BCAS3: variants seen among roughly 807,000 people sequenced by gnomAD.
BCAS3 encodes the protein BCAS3 microtubule associated cell migration factor.
BCAS3 carries 53 observed loss-of-function variants against 116.1 expected under a neutral mutation model. The ratio of observed to expected loss-of-function variants is 0.46; its 90% confidence interval spans 0.37 to 0.57. The LOEUF (loss-of-function observed/expected upper bound fraction) is 0.57. BCAS3 is among the 20% of genes least tolerant of loss of function. The pLI is 0.00. For missense variants in BCAS3, 917 were observed against 1,165.4 expected, an observed-to-expected ratio of 0.79 and a Z score of 3.10; for synonymous variants, 391 against 408.2, an observed-to-expected ratio of 0.96 and a Z score of 0.51.
At chr17:60,778,870 A>G (rs1170873704) in intron 6 of BCAS3, among the ~76,000 whole-genome samples, 3 of 152,202 alleles carry the variant, frequency 2.0e-5, no homozygotes, top group Non-Finnish European at 4.4e-5. Flanking sequence ...TAAGTAGCAT[A>G]TGATTTTGTG....
intron 12 of BCAS3, among the ~76,000 whole-genome samples, chr17:60,922,891 T>A (rs2059180236): frequency 6.6e-6 from 1 of 152,156 alleles, no homozygotes; most frequent in African/African-American, 2.4e-5. Flanking sequence ...TTGAATTGAA[T>A]GAAAATGAAA....
chr17:61,243,338 G>A lies in BCAS3; in HGVS notation c.2426-124989G>A, dbSNP rs373750454. Among the ~76,000 whole-genome samples the A allele has an allele frequency of 6.6e-6, 1 of 152,182 alleles. No individual in the cohort carries two copies. Among genetic ancestry groups the A allele is most frequent in the African/African-American group, 2.4e-5 (1 of 41,436 alleles). On this transcript the variant is annotated intron_variant, in intron 22 of 23. Transcript: ENST00000407086. This position sits in a 1 kb window ranked among gnomAD's most constrained non-coding sequence, Gnocchi z 5.6. ...ATTTAAAGCTGAGTAATATTCCATT[G>A]TGTCTATATACTATATTTTCTTTAT...
intron 13 of BCAS3, among the ~76,000 whole-genome samples, chr17:60,934,337 A>G (rs2059811209): frequency 6.6e-6 from 1 of 152,192 alleles, no homozygotes; most frequent in Admixed American, 6.5e-5. Flanking sequence ...TTGATAGTGA[A>G]TGAACTCATG....
At chr17:61,336,152 C>G (rs1389711821) in intron 22 of BCAS3, among the ~76,000 whole-genome samples, 1 of 152,250 alleles carries the variant, frequency 6.6e-6, no homozygotes, top group East Asian at 1.9e-4. Flanking sequence ...AAACTTCAGC[C>G]TTTTACTATT....
intron 6 of BCAS3, among the ~76,000 whole-genome samples, chr17:60,786,101 CA>C (rs1340855382): frequency 6.6e-6 from 1 of 151,986 alleles, no homozygotes; most frequent in Admixed American, 6.6e-5. Context: ...GCACAGATAC[CA>C]AGAGACAACT....
Position 61,364,834 on chromosome 17 carries a change from T to C in BCAS3, c.2426-3493T>C, listed in dbSNP as rs2058642201. Among the ~76,000 whole-genome samples, 1 of 152,202 alleles carries C rather than the reference T, an allele frequency of 6.6e-6. No individual in the cohort carries two copies. The highest frequency in any genetic ancestry group is 1.5e-5 in the Non-Finnish European group (1 of 68,018). On this transcript the variant is annotated intron_variant, in intron 22 of 23. Transcript: ENST00000407086. This position sits in a 1 kb window ranked among gnomAD's most constrained non-coding sequence, Gnocchi z 5.4. ...GTTCCAGATCTGTTGCTCAGAGACT[T>C]TGAACATGTCACGTAACTTCTCAGA...
At chr17:60,932,065 C>A (rs1172215642) in intron 13 of BCAS3, among the ~76,000 whole-genome samples, 1 of 151,480 alleles carries the variant, frequency 6.6e-6, no homozygotes, top group African/African-American at 2.4e-5. Context: ...AGAGCAAGAC[C>A]CTGTCTAAAA....
At chr17:60,929,929 A>G (rs2059560134) in intron 13 of BCAS3, among the ~76,000 whole-genome samples, 1 of 151,848 alleles carries the variant, frequency 6.6e-6, no homozygotes, top group Non-Finnish European at 1.5e-5. Flanking sequence ...ATAGTATTCC[A>G]TGGTGTATAT....
intron 22 of BCAS3, among the ~76,000 whole-genome samples, chr17:61,152,418 T>C (rs146891613): frequency 9.5e-4 from 145 of 152,264 alleles, no homozygotes; most frequent in African/African-American, 3.3e-3. Context: ...AGAGCGCTGA[T>C]TGGTGCATTT....
chr17:61,280,157 A>C (rs2051119346), intron 22 of BCAS3, among the ~76,000 whole-genome samples: 1 of 152,234 alleles, frequency 6.6e-6, no homozygotes, highest in Admixed American at 6.5e-5. Context: ...AGAGAGAGGA[A>C]GTATTATGCC....
Position 61,376,597 on chromosome 17 carries a change from T to C in BCAS3, c.2593+8103T>C, listed in dbSNP as rs2059352808. On this transcript the variant is annotated intron_variant, in intron 23 of 23. Coordinates refer to ENST00000407086, the MANE Select transcript of BCAS3 (RefSeq NM_017679.5). The surrounding 1 kb of genome is among the most constrained non-coding windows in gnomAD (Gnocchi z 4.5). ...AATTTTTTCCTCCAAGCCTTACCTCTCCAACTTCCTGGGTCCCCTTCTCAA... is the reference window on the plus strand; with the variant it reads ...AATTTTTTCCTCCAAGCCTTACCTCCCCAACTTCCTGGGTCCCCTTCTCAA... Among the ~76,000 whole-genome samples, 1 of 152,186 alleles carries C rather than the reference T, an allele frequency of 6.6e-6. No homozygotes were observed. Among genetic ancestry groups the C allele is most frequent in the Non-Finnish European group, 1.5e-5 (1 of 68,038 alleles).
intron 7 of BCAS3, among the ~76,000 whole-genome samples, chr17:60,831,263 G>A (rs2050897391): frequency 6.6e-6 from 1 of 152,020 alleles, no homozygotes; most frequent in Non-Finnish European, 1.5e-5. Flanking sequence ...TGCAACCTCT[G>A]CCTCCCAGGC....
rs2057676914 is a variant in BCAS3 at position 61,349,016 on chromosome 17, T to G, written c.2426-19311T>G. ...ATCCACCCACCTCAGCCTCCCAAAG[T>G]GCTGGGATTACAGGCGTGAGCCACC... On this transcript the variant is annotated intron_variant, in intron 22 of 23. Transcript: ENST00000407086. The surrounding 1 kb of genome is among the most constrained non-coding windows in gnomAD (Gnocchi z 4.7). Among the ~76,000 whole-genome samples the G allele has an allele frequency of 6.6e-6, 1 of 151,824 alleles. No homozygotes were observed. The highest frequency in any genetic ancestry group is 2.1e-4 in the South Asian group (1 of 4,814).
At chr17:60,771,253 T>G (rs937007321) in intron 6 of BCAS3, among the ~76,000 whole-genome samples, 1 of 152,174 alleles carries the variant, frequency 6.6e-6, no homozygotes, top group African/African-American at 2.4e-5. Context: ...TTTTCATTTT[T>G]AAGGTCTAAA....
chr17:61,044,371 T>A (rs112847781), intron 19 of BCAS3, among the ~76,000 whole-genome samples: 4 of 145,792 alleles, frequency 2.7e-5, no homozygotes, highest in African/African-American at 1.0e-4. Context: ...GGCGTGAGCC[T>A]GGGAGGCGGA....
chr17:61,025,308 T>A (rs2066159749), intron 16 of BCAS3, among the ~76,000 whole-genome samples: 1 of 152,018 alleles, frequency 6.6e-6, no homozygotes, highest in Non-Finnish European at 1.5e-5. Context: ...TGAAGTAGAA[T>A]AAAAGTGCAA....
chr17:61,092,328 G>GTCTC (rs375741148), intron 22 of BCAS3, among the ~76,000 whole-genome samples: 157 of 149,970 alleles, frequency 1.0e-3, no homozygotes, highest in African/African-American at 3.4e-3. Context: ...CTGTCTGTCT[G>GTCTC]TCTCTCTCTC....
chr17:60,921,114 A>T (rs975946272), intron 12 of BCAS3, among the ~76,000 whole-genome samples: 9 of 152,174 alleles, frequency 5.9e-5, no homozygotes, highest in Admixed American at 5.9e-4. Context: ...AGACATGTAT[A>T]TTAATCACCA....
chr17:60,780,495 G>A (rs1367579463), intron 6 of BCAS3, among the ~76,000 whole-genome samples: 1 of 151,778 alleles, frequency 6.6e-6, no homozygotes, highest in African/African-American at 2.4e-5. Flanking sequence ...TAGAGACGGG[G>A]TTTCACTATG....
Sources: allele counts gnomAD v4.1 joint callset (sites outside exome capture counted in the v4.1 genomes callset), GRCh38; gene constraint gnomAD v4.1.1; non-coding constraint Gnocchi (gnomAD v3.1); transcripts MANE v1.5; gene names NCBI Gene and HGNC (gene_info 2026-07-23, HGNC 2026-07-21).